Variants in CCNY observed in about 807,000 individuals in gnomAD.
CCNY encodes cyclin Y.
CCNY carries 19 observed loss-of-function variants against 42.8 expected under a neutral mutation model. The observed-to-expected ratio is 0.44, with a 90% CI of 0.31 to 0.65. CCNY has a LOEUF of 0.65. CCNY is among the 30% of genes least tolerant of loss of function. The probability of loss-of-function intolerance (pLI) is 0.07; values close to 1 mark genes in which losing one functional copy is unlikely to be tolerated. For synonymous variants in CCNY, 165 were observed against 162.7 expected, an observed-to-expected ratio of 1.01 and a Z score of -0.11; for missense variants, 370 against 437.3, an observed-to-expected ratio of 0.85 and a Z score of 1.37.
chr10:35,507,847 A>G (rs970583874), intron 3 of CCNY, among the ~76,000 whole-genome samples: 6 of 151,508 alleles, frequency 4.0e-5, no homozygotes, highest in Non-Finnish European at 7.4e-5. Context: ...GATTTGCCCG[A>G]AGGATTCAGT....
chr10:35,561,511 C>T (rs1388157909), intron 8 of CCNY, among the ~76,000 whole-genome samples: 1 of 152,126 alleles, frequency 6.6e-6, no homozygotes, highest in Non-Finnish European at 1.5e-5. Context: ...TCTCAGTTTC[C>T]TGGCAGAGGC....
intron 3 of CCNY, among the ~76,000 whole-genome samples, chr10:35,274,579 C>T (rs1034271335): frequency 2.6e-5 from 4 of 152,190 alleles, no homozygotes; most frequent in Non-Finnish European, 4.4e-5. Flanking sequence ...ATCTCTTCCT[C>T]CGCAGGTCCA....
At chr10:35,443,326 A>T (rs1482431439) in intron 1 of CCNY, among the ~76,000 whole-genome samples, 1 of 152,220 alleles carries the variant, frequency 6.6e-6, no homozygotes, top group Non-Finnish European at 1.5e-5. Context: ...AAACTTTTTG[A>T]CTTTTGAAAT....
intron 2 of CCNY, among the ~76,000 whole-genome samples, chr10:35,497,701 T>G (rs1840028448): frequency 1.5e-5 from 2 of 134,874 alleles, no homozygotes; most frequent in Non-Finnish European, 3.1e-5. Flanking sequence ...CCCTCCAGCC[T>G]GGATTACAGA....
At chr10:35,341,731 T>G (rs1728522233) in intron 1 of CCNY, among the ~76,000 whole-genome samples, 1 of 152,206 alleles carries the variant, frequency 6.6e-6, no homozygotes, top group Admixed American at 6.5e-5. Context: ...GTGAAACTTT[T>G]TGGCTTTGTA....
chr10:35,343,910 A>T (rs984979483), intron 1 of CCNY, among the ~76,000 whole-genome samples: 4 of 152,236 alleles, frequency 2.6e-5, no homozygotes, highest in African/African-American at 9.6e-5. Flanking sequence ...AGGGCTATTG[A>T]CAGTATCATA....
At chr10:35,362,993 G>A (rs1047527019) in intron 1 of CCNY, among the ~76,000 whole-genome samples, 1 of 151,124 alleles carries the variant, frequency 6.6e-6, no homozygotes, top group Non-Finnish European at 1.5e-5. Context: ...GGCGGCGGCC[G>A]GGCGGAGACG....
intron 9 of CCNY, among the ~76,000 whole-genome samples, chr10:35,567,095 A>T (rs1372548740): frequency 1.3e-5 from 2 of 152,246 alleles, no homozygotes; most frequent in African/African-American, 4.8e-5. Flanking sequence ...ATTTCCCGCA[A>T]TATAAGCCCC....
chr10:35,269,529 T>G (rs1404085646), intron 3 of CCNY, among the ~76,000 whole-genome samples: 3 of 151,636 alleles, frequency 2.0e-5, no homozygotes, highest in Non-Finnish European at 4.4e-5. Context: ...AGTCTCAAAC[T>G]CCTGACCTCA....
At chr10:35,491,891 G>C (rs1263981590) in intron 2 of CCNY, among the ~76,000 whole-genome samples, 5 of 151,848 alleles carry the variant, frequency 3.3e-5, no homozygotes, top group Non-Finnish European at 7.3e-5. Context: ...TGGGATTACA[G>C]GTGTGAGCGA....
At chr10:35,509,559 A>C (rs1217700805) in intron 3 of CCNY, among the ~76,000 whole-genome samples, 5 of 152,208 alleles carry the variant, frequency 3.3e-5, no homozygotes, top group Non-Finnish European at 7.3e-5. Flanking sequence ...TACAGCCATG[A>C]GCCACTGTGC....
intron 2 of CCNY, among the ~76,000 whole-genome samples, chr10:35,496,858 A>G (rs1220540159): frequency 6.6e-6 from 1 of 152,176 alleles, no homozygotes; most frequent in East Asian, 1.9e-4. Flanking sequence ...GTCCCATAGC[A>G]ACTTAAGTGT....
At chr10:35,270,870 C>A (rs897929385) in intron 3 of CCNY, among the ~76,000 whole-genome samples, 1 of 151,500 alleles carries the variant, frequency 6.6e-6, no homozygotes, top group Non-Finnish European at 1.5e-5. Flanking sequence ...GGACTACAGG[C>A]GCCCGCCACC....
chr10:35,256,741 C>T (rs1221922838), intron 3 of CCNY, among the ~76,000 whole-genome samples: 1 of 115,860 alleles, frequency 8.6e-6, no homozygotes, highest in East Asian at 2.4e-4. Flanking sequence ...AAAAATAAAA[C>T]ATTAAAAAAA....
chr10:35,471,356 A>C (rs1839388586), intron 1 of CCNY, among the ~76,000 whole-genome samples: 1 of 152,102 alleles, frequency 6.6e-6, no homozygotes, highest in South Asian at 2.1e-4. Context: ...TTTCTGCTTT[A>C]CTTTTTACTA....
At chr10:35,467,758 A>G (rs1188299848) in intron 1 of CCNY, among the ~76,000 whole-genome samples, 2 of 152,234 alleles carry the variant, frequency 1.3e-5, no homozygotes, top group South Asian at 2.1e-4. Context: ...ACCGTTAAGT[A>G]TACAGATTGC....
intron 1 of CCNY, among the ~76,000 whole-genome samples, chr10:35,348,521 C>T (rs576528542): frequency 5.3e-5 from 8 of 152,304 alleles, no homozygotes; most frequent in East Asian, 1.9e-4. Flanking sequence ...GATACGACTT[C>T]GTCACTCACA....
intron 1 of CCNY, among the ~76,000 whole-genome samples, chr10:35,459,711 C>G (rs530394599): frequency 2.7e-4 from 41 of 152,268 alleles, no homozygotes; most frequent in African/African-American, 9.6e-4. Flanking sequence ...ACCAGCTCAG[C>G]CCCTGTAGAG....
At chr10:35,410,931 T>C (rs1329413372) in intron 1 of CCNY, among the ~76,000 whole-genome samples, 2 of 152,212 alleles carry the variant, frequency 1.3e-5, no homozygotes, top group Non-Finnish European at 2.9e-5. Flanking sequence ...GGAAGACTTG[T>C]AACTTTTGGA....
Sources: gnomAD v4.1 joint callset for allele counts (sites outside exome capture counted in the v4.1 genomes callset) on GRCh38, gnomAD v4.1.1 for gene constraint, MANE v1.5 for transcripts, NCBI Gene and HGNC (gene_info 2026-07-23, HGNC 2026-07-21) for gene names.